The following MEIS2 variants were observed in gnomAD, a reference collection of about 807,000 sequenced individuals.
MEIS2 encodes Meis homeobox 2.
In MEIS2, 9 loss-of-function variants were observed where a neutral mutation model predicts 58.6. The observed-to-expected ratio is 0.15, with a 90% CI of 0.09 to 0.27. MEIS2 has a LOEUF of 0.27. Among genes scored for constraint, MEIS2 ranks in the 10% least tolerant of loss-of-function variants. The probability of loss-of-function intolerance (pLI) is 1.00; values close to 1 mark genes in which losing one functional copy is unlikely to be tolerated. For synonymous variants in MEIS2, 221 were observed against 228.4 expected (o/e 0.97, Z 0.29); for missense variants, 427 against 635.0 (o/e 0.67, Z 3.52).
intron 8 of MEIS2, among the ~76,000 whole-genome samples, chr15:37,021,996 A>G (rs1378444694): frequency 6.6e-6 from 1 of 152,144 alleles, no homozygotes; most frequent in Non-Finnish European, 1.5e-5. Context: ...AACGCTCCAT[A>G]ACATTCCATA....
rs1894615468 is a variant in MEIS2 at position 37,098,380 on chromosome 15, GAGAGAGAGAGAGA to G, written c.13-194_13-182del. Reference sequence around the variant, plus strand: ...AGGAGGAGGAAAAGGAGGAGAGGGGGAGAGAGAGAGAGAGAGAGAGAGAGAGAGAGAGAGAGAG... The same window carrying G: ...AGGAGGAGGAAAAGGAGGAGAGGGGGGAGAGAGAGAGAGAGAGAGAGAGAG... On this transcript the variant is annotated intron_variant, in intron 1 of 11. Transcript: ENST00000561208. 8.9e-6 allele frequency: 3 copies of G among 335,466 alleles called. No individual in the cohort carries two copies. In the African/African-American group the frequency reaches 3.0e-4, roughly 33 times the overall value. The allele number at this position is 335,466 out of a possible 1,614,324, so 20.8% of individuals were successfully genotyped here.
chr15:37,071,742 C>A (rs889732188), intron 7 of MEIS2, among the ~76,000 whole-genome samples: 5 of 151,980 alleles, frequency 3.3e-5, no homozygotes, highest in Admixed American at 2.6e-4. Context: ...AGTGACAGAT[C>A]TGAGGATATA....
At chr15:36,946,627 T>A (rs1312798919) in intron 9 of MEIS2, among the ~76,000 whole-genome samples, 1 of 151,990 alleles carries the variant, frequency 6.6e-6, no homozygotes, top group African/African-American at 2.4e-5. Context: ...TCTTTCATTT[T>A]TACAATTACT....
chr15:37,011,172 C>T (rs1282935232), intron 8 of MEIS2, among the ~76,000 whole-genome samples: 2 of 152,194 alleles, frequency 1.3e-5, no homozygotes, highest in African/African-American at 2.4e-5. Context: ...TATTATATCA[C>T]ACAGAGTAAA....
At chr15:37,089,032 G>A (rs946191517) in intron 6 of MEIS2, among the ~76,000 whole-genome samples, 16 of 152,104 alleles carry the variant, frequency 1.1e-4, no homozygotes, top group Non-Finnish European at 2.4e-4. Context: ...GATTTAAATA[G>A]TATAATTATT....
chr15:36,993,268 A>C (rs1418757110), intron 8 of MEIS2, among the ~76,000 whole-genome samples: 3 of 152,160 alleles, frequency 2.0e-5, no homozygotes, highest in Admixed American at 1.3e-4. Context: ...AAATGAGGCA[A>C]AAAGAAACTT....
At chr15:37,056,914 T>C (rs955361155) in intron 7 of MEIS2, among the ~76,000 whole-genome samples, 2 of 152,188 alleles carry the variant, frequency 1.3e-5, no homozygotes, top group Non-Finnish European at 2.9e-5. Flanking sequence ...GACAATGATT[T>C]CCGCCTTAAC....
intron 7 of MEIS2, among the ~76,000 whole-genome samples, chr15:37,041,549 T>A (rs1480277248): frequency 3.9e-5 from 6 of 152,208 alleles, no homozygotes; most frequent in Non-Finnish European, 1.5e-5. Context: ...AGCTCCAGCA[T>A]ACACCTACTT....
chr15:36,933,548 G>A (rs2058057367), intron 9 of MEIS2, among the ~76,000 whole-genome samples: 1 of 145,228 alleles, frequency 6.9e-6, no homozygotes, highest in African/African-American at 2.6e-5. Context: ...AGACTCTAGT[G>A]CCAAGTATTC....
At chr15:36,958,625 T>A (rs1365148180) in intron 8 of MEIS2, among the ~76,000 whole-genome samples, 1 of 152,206 alleles carries the variant, frequency 6.6e-6, no homozygotes. Flanking sequence ...AATATAATTA[T>A]TTTCCTATTG....
intron 1 of MEIS2, chr15:37,099,009 G>T (rs1485732130): frequency 5.1e-6 from 5 of 983,060 alleles, no homozygotes; most frequent in East Asian, 1.1e-4. Flanking sequence ...GCGGCAGCGC[G>T]GCCCCAGCGG....
At chr15:36,946,970 G>A (rs1389832643) in intron 9 of MEIS2, among the ~76,000 whole-genome samples, 1 of 151,946 alleles carries the variant, frequency 6.6e-6, no homozygotes, top group Non-Finnish European at 1.5e-5. Context: ...TTCAGGTTGA[G>A]GATATTTGGT....
At chr15:37,077,767 C>G (rs945673791) in intron 7 of MEIS2, among the ~76,000 whole-genome samples, 5 of 151,830 alleles carry the variant, frequency 3.3e-5, no homozygotes, top group Non-Finnish European at 7.4e-5. Flanking sequence ...TGTCCTGGGT[C>G]ATGTTTTTTA....
intron 9 of MEIS2, among the ~76,000 whole-genome samples, chr15:36,933,819 T>C (rs2058068082): frequency 6.6e-6 from 1 of 152,176 alleles, no homozygotes; most frequent in Non-Finnish European, 1.5e-5. Flanking sequence ...GAAGAGTAAG[T>C]AACTCATAAG....
chr15:36,962,896 C>A (rs957479338), intron 8 of MEIS2, among the ~76,000 whole-genome samples: 14 of 152,148 alleles, frequency 9.2e-5, no homozygotes, highest in Admixed American at 7.9e-4. Context: ...ATCTAAGATA[C>A]TATTTGTATG....
chr15:36,928,689 AAG>A (rs1257356666), intron 9 of MEIS2, among the ~76,000 whole-genome samples: 1 of 152,216 alleles, frequency 6.6e-6, no homozygotes, highest in Non-Finnish European at 1.5e-5. Flanking sequence ...CATATTTGAG[AAG>A]AGTCTTCTGA....
At chr15:37,092,041 T>C (rs1334049599) in intron 6 of MEIS2, among the ~76,000 whole-genome samples, 1 of 152,206 alleles carries the variant, frequency 6.6e-6, no homozygotes, top group South Asian at 2.1e-4. Context: ...GCAAATAAAC[T>C]TTCCATAACC....
At chr15:36,959,506 G>T (rs2059108028) in intron 8 of MEIS2, among the ~76,000 whole-genome samples, 1 of 152,202 alleles carries the variant, frequency 6.6e-6, no homozygotes, top group East Asian at 1.9e-4. Context: ...AGTTTGAAAA[G>T]GTGACAAGTG....
At chr15:37,054,113 T>C (rs2063035751) in intron 7 of MEIS2, among the ~76,000 whole-genome samples, 1 of 152,170 alleles carries the variant, frequency 6.6e-6, no homozygotes, top group Non-Finnish European at 1.5e-5. Flanking sequence ...AATATTTGAC[T>C]TTTTGATCTA....
Sources: allele counts gnomAD v4.1 joint callset (sites outside exome capture counted in the v4.1 genomes callset), GRCh38; gene constraint gnomAD v4.1.1; transcripts MANE v1.5; gene names NCBI Gene and HGNC (gene_info 2026-07-23, HGNC 2026-07-21).